The following PDE3A variants were observed in gnomAD, a reference collection of about 807,000 sequenced individuals.
The protein encoded by PDE3A is cGMP-inhibited 3',5'-cyclic phosphodiesterase 3A.
PDE3A carries 43 observed loss-of-function variants against 98.3 expected under a neutral mutation model. The ratio of observed to expected loss-of-function variants is 0.44; its 90% CI spans 0.34 to 0.56. The LOEUF is 0.56. Among genes scored for constraint, PDE3A ranks in the 20% least tolerant of loss-of-function variants. The probability of loss-of-function intolerance (pLI) is 0.01; values close to 1 mark genes in which losing one functional copy is unlikely to be tolerated. For missense variants in PDE3A, 1,427 were observed against 1,440.7 expected (o/e 0.99, Z 0.15); for synonymous variants, 663 against 567.9 (o/e 1.17, Z -2.38).
In PDE3A at chr12:20,397,394, T is replaced by A. The variant is rs910153292; in HGVS notation, c.960+27150T>A. ...AAGAAGGAAGTTGGGCTTATCTCAATAAACGTTTTGAGCCCTTTTGGTACC... is the reference window on the plus strand; with the variant it reads ...AAGAAGGAAGTTGGGCTTATCTCAAAAAACGTTTTGAGCCCTTTTGGTACC... On this transcript the variant is annotated intron_variant, in intron 1 of 15. Coordinates refer to ENST00000359062, the MANE Select transcript of PDE3A (RefSeq NM_000921.5). 3.9e-5 allele frequency among the ~76,000 whole-genome samples: 6 copies of A among 152,076 alleles called. No individual in the cohort carries two copies. The East Asian group carries it at 1.2e-3, about 29-fold the overall frequency.
intron 1 of PDE3A, among the ~76,000 whole-genome samples, chr12:20,492,698 G>A (rs1051379707): frequency 6.6e-6 from 1 of 152,134 alleles, no homozygotes; most frequent in South Asian, 2.1e-4. Flanking sequence ...GCTGCACTGA[G>A]CAGGTGGGGG....
At chr12:20,387,041 A>T (rs1474864329) in intron 1 of PDE3A, among the ~76,000 whole-genome samples, 5 of 151,984 alleles carry the variant, frequency 3.3e-5, no homozygotes, top group African/African-American at 4.8e-5. Context: ...TCCTTTGCCC[A>T]TTGCTTGTTT....
intron 1 of PDE3A, among the ~76,000 whole-genome samples, chr12:20,530,403 T>A (rs1946602624): frequency 6.6e-6 from 1 of 151,982 alleles, no homozygotes; most frequent in African/African-American, 2.4e-5. Flanking sequence ...ATGAGATAAA[T>A]CTAATGTGAG....
intron 15 of PDE3A, among the ~76,000 whole-genome samples, chr12:20,674,320 T>G (rs1299411346): frequency 6.6e-6 from 1 of 152,166 alleles, no homozygotes; most frequent in African/African-American, 2.4e-5. Flanking sequence ...TGAGTAGGAC[T>G]TCTAGTACAA....
At chr12:20,409,870 T>C (rs926405817) in intron 1 of PDE3A, among the ~76,000 whole-genome samples, 2 of 152,222 alleles carry the variant, frequency 1.3e-5, no homozygotes, top group Non-Finnish European at 2.9e-5. Flanking sequence ...CTTTTGGTCT[T>C]CTGTCTACTA....
chr12:20,377,956 A>G (rs1315964193), intron 1 of PDE3A, among the ~76,000 whole-genome samples: 1 of 151,816 alleles, frequency 6.6e-6, no homozygotes, highest in African/African-American at 2.4e-5. Flanking sequence ...TTTAGAAATG[A>G]AAGTGCTTAT....
intron 1 of PDE3A, among the ~76,000 whole-genome samples, chr12:20,400,564 G>T (rs929449035): frequency 6.6e-6 from 1 of 151,724 alleles, no homozygotes; most frequent in Non-Finnish European, 1.5e-5. Flanking sequence ...CCGCCACTGC[G>T]CCCGTGACCG....
At chr12:20,659,667 C>T (rs541740791) in intron 15 of PDE3A, among the ~76,000 whole-genome samples, 5 of 152,188 alleles carry the variant, frequency 3.3e-5, no homozygotes, top group African/African-American at 7.2e-5. Flanking sequence ...GAACCCCTGA[C>T]GTCAAGTGAT....
intron 1 of PDE3A, among the ~76,000 whole-genome samples, chr12:20,436,304 T>G (rs1944778178): frequency 6.6e-6 from 1 of 151,762 alleles, no homozygotes; most frequent in African/African-American, 2.4e-5. Context: ...GAACGGGGGA[T>G]TGGGTGGGGG....
chr12:20,556,485 T>C (rs1041887243), intron 1 of PDE3A, among the ~76,000 whole-genome samples, 175 bp from the exon 2 acceptor site: 6 of 152,198 alleles, frequency 3.9e-5, no homozygotes, highest in African/African-American at 1.4e-4. Flanking sequence ...AGTTGAAATA[T>C]TAGCTATCAA....
chr12:20,416,087 G>A (rs1838448), intron 1 of PDE3A, among the ~76,000 whole-genome samples: 94,084 of 152,120 alleles, frequency 0.62, 30,849 homozygotes, highest in East Asian at 0.88. Context: ...ACAAAATCAA[G>A]GTTATTAATT....
At chr12:20,666,211 C>T (rs571767429) in intron 15 of PDE3A, among the ~76,000 whole-genome samples, 47 of 152,070 alleles carry the variant, frequency 3.1e-4, no homozygotes, top group African/African-American at 7.0e-4. Flanking sequence ...GTGGTCCATC[C>T]GCCTCGGCCT....
At chr12:20,395,372 A>G (rs1038967337) in intron 1 of PDE3A, among the ~76,000 whole-genome samples, 6 of 151,702 alleles carry the variant, frequency 4.0e-5, no homozygotes, top group Non-Finnish European at 7.4e-5. Flanking sequence ...AGAGAGTGAG[A>G]TGGTAGAAAT....
chr12:20,459,123 A>G (rs1945203805), intron 1 of PDE3A, among the ~76,000 whole-genome samples: 1 of 152,152 alleles, frequency 6.6e-6, no homozygotes, highest in African/African-American at 2.4e-5. Context: ...GAAAATTTGT[A>G]CAATGTACAT....
chr12:20,555,431 T>G (rs1942345311), intron 1 of PDE3A, among the ~76,000 whole-genome samples: 1 of 152,218 alleles, frequency 6.6e-6, no homozygotes, highest in African/African-American at 2.4e-5. Context: ...TCGTCTCTCA[T>G]AGTTTTAACT....
intron 15 of PDE3A, among the ~76,000 whole-genome samples, chr12:20,675,980 G>A (rs1375118981): frequency 6.6e-6 from 1 of 152,090 alleles, no homozygotes; most frequent in Non-Finnish European, 1.5e-5. Flanking sequence ...TACACCCAAG[G>A]TGATTATCGA....
chr12:20,609,276 A>G (rs1483516329), intron 2 of PDE3A, among the ~76,000 whole-genome samples: 1 of 152,012 alleles, frequency 6.6e-6, no homozygotes, highest in East Asian at 1.9e-4. Context: ...TTATATACAA[A>G]TAAGTCCCTA....
At chr12:20,468,448 CATTAA>C (rs1945381444) in intron 1 of PDE3A, among the ~76,000 whole-genome samples, 1 of 152,120 alleles carries the variant, frequency 6.6e-6, no homozygotes. Context: ...TGATTGTAAA[CATTAA>C]ATTAAATGAT....
At chr12:20,426,834 A>G (rs1361224922) in intron 1 of PDE3A, among the ~76,000 whole-genome samples, 1 of 152,230 alleles carries the variant, frequency 6.6e-6, no homozygotes, top group Non-Finnish European at 1.5e-5. Flanking sequence ...AGTTACATTC[A>G]CTAAAATAAG....
Sources: gnomAD v4.1 joint callset for allele counts (sites outside exome capture counted in the v4.1 genomes callset) on GRCh38, gnomAD v4.1.1 for gene constraint, MANE v1.5 for transcripts, NCBI Gene and HGNC (gene_info 2026-07-23, HGNC 2026-07-21) for gene names.